Variants in LOXHD1 observed in about 807,000 individuals in gnomAD.
LOXHD1 encodes the protein lipoxygenase homology domain-containing protein 1.
In LOXHD1, 205 loss-of-function variants were observed where a neutral mutation model predicts 248.2. That is an observed-to-expected ratio of 0.83 (90% CI 0.74 to 0.93). LOXHD1 has a LOEUF of 0.93. Ranked by LOEUF, LOXHD1 falls within the 40% of genes least tolerant of loss-of-function variation. The probability of loss-of-function intolerance (pLI) is 0.00; values close to 1 mark genes in which losing one functional copy is unlikely to be tolerated. For synonymous variants in LOXHD1, 1,113 were observed against 1,162.8 expected (o/e 0.96, Z 0.87); for missense variants, 2,930 against 2,971.6 (o/e 0.99, Z 0.33).
At chr18:46,534,219 G>A in intron 27 of LOXHD1, 116 bp downstream of exon 27, 2 of 666,320 alleles carry the variant, frequency 3.0e-6, no homozygotes, top group Non-Finnish European at 2.6e-6. Context: ...TTTTCATTAT[G>A]AGATTTTTAT....
rs1275286951 is a variant in LOXHD1, at chr18:46,477,839, A to G, written c.6455T>C (p.Val2152Ala). 1 of 1,551,798 alleles carries G rather than the reference A, an allele frequency of 6.4e-7. No homozygotes were observed. Among genetic ancestry groups the G allele is most frequent in the Non-Finnish European group, 8.7e-7 (1 of 1,147,010 alleles). Residue 2152 changes from valine (V) to alanine (A), a missense_variant, in exon 41 of 41, where the codon GTG becomes GCG. By Grantham distance (64) the Val-to-Ala change is moderately conservative. Coordinates refer to ENST00000642948, the MANE Select transcript of LOXHD1 (RefSeq NM_001384474.1). ...CACGATGACTTCGTACTTGACGGGCACCAGGCTCTGGACCTTGCTGGCAAA... is the reference window on the plus strand; with the variant it reads ...CACGATGACTTCGTACTTGACGGGCGCCAGGCTCTGGACCTTGCTGGCAAA... ...ESFASKVQSL[V>A]PVKYEVIVTT...
intron 5 of LOXHD1, among the ~76,000 whole-genome samples, chr18:46,614,741 TA>T (rs972885349): frequency 2.0e-5 from 3 of 151,526 alleles, no homozygotes; most frequent in African/African-American, 7.2e-5. Context: ...AATAAATAAA[TA>T]AATAACTTTT....
chr18:46,541,200 T>C (rs2144354108), intron 25 of LOXHD1, among the ~76,000 whole-genome samples: 1 of 152,330 alleles, frequency 6.6e-6, no homozygotes, highest in African/African-American at 2.4e-5. Context: ...AATTACTCCC[T>C]TCCCTTCTTC....
intron 6 of LOXHD1, among the ~76,000 whole-genome samples, 165 bp downstream of exon 6, chr18:46,610,611 T>C (rs547064599): frequency 1.4e-4 from 21 of 152,254 alleles, no homozygotes; most frequent in African/African-American, 4.8e-4. Context: ...GGATGAAGTC[T>C]TGGAGGCCAT....
intron 37 of LOXHD1, among the ~76,000 whole-genome samples, chr18:46,495,556 T>G (rs542428321): frequency 2.0e-5 from 3 of 152,332 alleles, no homozygotes; most frequent in African/African-American, 7.2e-5. Flanking sequence ...TATTCAATGT[T>G]AGCACCAATA....
At chr18:46,575,218 C>G (rs947855171) in intron 14 of LOXHD1, among the ~76,000 whole-genome samples, 2 of 152,106 alleles carry the variant, frequency 1.3e-5, no homozygotes, top group African/African-American at 2.4e-5. Flanking sequence ...AAGGCAAAAG[C>G]CTGGGGCTTT....
rs774366371 is a variant in LOXHD1, at chr18:46,477,801, C to T, written c.6493G>A (p.Glu2165Lys). ...KYEVIVTTGY[E>K]PGAGTDANVF... ...TTGGCATCAGTGCCTGCCCCTGGCTCATAGCCTGTTGTCACGATGACTTCG... is the reference window on the plus strand; with the variant it reads ...TTGGCATCAGTGCCTGCCCCTGGCTTATAGCCTGTTGTCACGATGACTTCG... The change falls in exon 41 of 41, where the codon GAG (glutamate) becomes AAG (lysine). Residue 2165 changes from glutamate (E) to lysine (K), a missense_variant. Coordinates refer to ENST00000642948, the MANE Select transcript of LOXHD1 (RefSeq NM_001384474.1). 8.4e-6 allele frequency: 13 copies of T among 1,551,752 alleles called. No homozygotes were observed. Among genetic ancestry groups the T allele is most frequent in the Middle Eastern group, 1.7e-4 (1 of 6,014 alleles).
chr18:46,538,108 C>T (rs2036393731), intron 26 of LOXHD1, 48 bp downstream of exon 26: 1 of 1,484,760 alleles, frequency 6.7e-7, no homozygotes, highest in East Asian at 2.5e-5. Flanking sequence ...TCTCCTCTCC[C>T]TCTGTCTGAC....
intron 26 of LOXHD1, among the ~76,000 whole-genome samples, chr18:46,536,858 A>G (rs947775289): frequency 6.6e-6 from 1 of 152,190 alleles, no homozygotes; most frequent in African/African-American, 2.4e-5. Context: ...TTCCTATCAG[A>G]AAATAAGGGG....
intron 8 of LOXHD1, among the ~76,000 whole-genome samples, chr18:46,600,021 ATAGT>A (rs1441981651): frequency 6.6e-6 from 1 of 152,204 alleles, no homozygotes; most frequent in Non-Finnish European, 1.5e-5. Flanking sequence ...TTTGGAAATA[ATAGT>A]TATCCTATAA....
Position 46,589,434 on chromosome 18 carries a change from C to T in LOXHD1, c.1654+2499G>A, listed in dbSNP as rs2038124131. Reference sequence around the variant, plus strand: ...TTTTGTTTTCATTTCTTGTCCGTCCCCCTTCGTTCAGTCCTGTAGTACCCA... The same window carrying T: ...TTTTGTTTTCATTTCTTGTCCGTCCTCCTTCGTTCAGTCCTGTAGTACCCA... On this transcript the variant is annotated intron_variant, in intron 12 of 40. Coordinates refer to ENST00000642948, the MANE Select transcript of LOXHD1 (RefSeq NM_001384474.1). 2.0e-5 allele frequency among the ~76,000 whole-genome samples: 3 copies of T among 152,164 alleles called. No homozygotes were observed. In the South Asian group the frequency reaches 6.2e-4, roughly 32 times the overall value.
At chr18:46,522,404 C>T in intron 31 of LOXHD1, 95 bp from the exon 32 acceptor site, 1 of 966,610 alleles carries the variant, frequency 1.0e-6, no homozygotes, top group Non-Finnish European at 1.6e-6. Context: ...TCTGAGGGCA[C>T]TGATCTCAGC....
chr18:46,490,219 G>A (rs4890659), intron 37 of LOXHD1, among the ~76,000 whole-genome samples: 50,683 of 151,990 alleles, frequency 0.33, 9,000 homozygotes, highest in East Asian at 0.75. Context: ...TTATATGTCC[G>A]CAAGGAAACT....
chr18:46,492,148 G>C (rs1440507209), intron 37 of LOXHD1, among the ~76,000 whole-genome samples: 1 of 152,150 alleles, frequency 6.6e-6, no homozygotes, highest in East Asian at 1.9e-4. Context: ...TCTGGATTTT[G>C]CTGATGATGA....
intron 25 of LOXHD1, among the ~76,000 whole-genome samples, chr18:46,541,516 C>T (rs1598955664): frequency 6.6e-6 from 1 of 152,162 alleles, no homozygotes; most frequent in Non-Finnish European, 1.5e-5. Context: ...TCTGAACCCT[C>T]GAGAGGTTAG....
intron 4 of LOXHD1, among the ~76,000 whole-genome samples, chr18:46,626,171 G>C (rs368768311): frequency 2.0e-5 from 3 of 152,264 alleles, no homozygotes; most frequent in African/African-American, 7.2e-5. Context: ...ACAAAAAATA[G>C]GGAACAACCT....
At chr18:46,581,344 C>T (rs1386495641) in intron 12 of LOXHD1, among the ~76,000 whole-genome samples, 2 of 152,110 alleles carry the variant, frequency 1.3e-5, no homozygotes, top group Non-Finnish European at 2.9e-5. Context: ...AGAGAAGTTG[C>T]AGGTGACTCC....
In LOXHD1 at chr18:46,648,102, T is replaced by A. The variant is rs1027034887; in HGVS notation, c.245+1053A>T. On this transcript the variant is annotated intron_variant, in intron 2 of 40. Transcript: ENST00000642948. ...TGAAACCCCGTTTCTATTAAAAATA[T>A]GAAAAATTAGCCGGTTATGGTGGCA... Among the ~76,000 whole-genome samples the A allele has an allele frequency of 6.4e-4, 97 of 151,868 alleles. 1 individual carries two copies. The highest frequency in any genetic ancestry group is 2.6e-4 in the Non-Finnish European group (18 of 67,964).
chr18:46,566,905 G>A (rs1021181421), intron 16 of LOXHD1, among the ~76,000 whole-genome samples: 1 of 152,054 alleles, frequency 6.6e-6, no homozygotes, highest in Non-Finnish European at 1.5e-5. Flanking sequence ...CCATCCTGAA[G>A]GTGACAGAAT....
Sources: allele counts gnomAD v4.1 joint callset (sites outside exome capture counted in the v4.1 genomes callset), GRCh38; gene constraint gnomAD v4.1.1; transcripts MANE v1.5; gene names NCBI Gene and HGNC (gene_info 2026-07-23, HGNC 2026-07-21).